Variants in XRN2 observed in about 807,000 individuals in gnomAD.
XRN2 encodes the protein 5'-3' exoribonuclease 2, also known as DHM1-like protein.
In XRN2, 44 loss-of-function variants were observed where a neutral mutation model predicts 138.5. That is an observed-to-expected ratio of 0.32 (90% confidence interval 0.25 to 0.41). The LOEUF is 0.41. Among genes scored for constraint, XRN2 ranks in the 10% least tolerant of loss-of-function variants. XRN2 has a pLI of 1.00. For synonymous variants in XRN2, 354 were observed against 369.4 expected (o/e 0.96, Z 0.48); for missense variants, 937 against 1,169.3 (o/e 0.80, Z 2.90).
chr20:21,357,110 A>G (rs35744170), intron 23 of XRN2, among the ~76,000 whole-genome samples: 1 of 144,180 alleles, frequency 6.9e-6, no homozygotes, highest in Admixed American at 7.2e-5. Context: ...AGCTTTTTAT[A>G]AGAATGTTAT....
chr20:21,366,725 G>A (rs1470446838), intron 26 of XRN2, among the ~76,000 whole-genome samples: 1 of 151,976 alleles, frequency 6.6e-6, no homozygotes. Context: ...AACCTAAACA[G>A]GCATTTTGGA....
chr20:21,368,161 G>A (rs1464688764), intron 26 of XRN2, among the ~76,000 whole-genome samples: 1 of 152,016 alleles, frequency 6.6e-6, no homozygotes, highest in South Asian at 2.1e-4. Context: ...GATCCTTAAG[G>A]ACAAAACTGA....
At chr20:21,365,540 C>G (rs185425879) in intron 25 of XRN2, 33 bp from the exon 26 acceptor site, 1 of 1,613,048 alleles carries the variant, frequency 6.2e-7, no homozygotes, top group Non-Finnish European at 8.5e-7. Flanking sequence ...GTTTTCATCC[C>G]TATTACTAAG....
At chr20:21,366,229 T>A (rs1371667255) in intron 26 of XRN2, among the ~76,000 whole-genome samples, 6 of 134,380 alleles carry the variant, frequency 4.5e-5, no homozygotes, top group Non-Finnish European at 9.3e-5. Flanking sequence ...TATATATATA[T>A]ATTATATATA....
chr20:21,303,375 C>T lies in XRN2; in HGVS notation c.-24C>T, dbSNP rs1452955171. 5 of 1,542,446 alleles carry T rather than the reference C, an allele frequency of 3.2e-6. No homozygotes were observed. The highest frequency in any genetic ancestry group is 3.5e-6 in the Non-Finnish European group (4 of 1,144,236). ...TGGTTACGCTCGTCAGCCGGTCGGC[C>T]GCCGCCTCCAGCCGTGTGCCGCTAT... On this transcript the variant is annotated 5_prime_UTR_variant, in exon 1 of 30. Coordinates refer to ENST00000377191, the MANE Select transcript of XRN2 (RefSeq NM_012255.5).
intron 26 of XRN2, 88 bp from the exon 27 acceptor site, chr20:21,368,375 T>A: frequency 6.6e-7 from 1 of 1,518,482 alleles, no homozygotes; most frequent in Admixed American, 2.0e-5. Flanking sequence ...AAGACGTGGC[T>A]ATGAGCATTT....
In XRN2 at chr20:21,348,211, C is replaced by T. The variant is rs188995174; in HGVS notation, c.1731C>T (p.Gly577=). Residue 577 remains glycine (G), a synonymous_variant, in exon 18 of 30, where the codon GGC becomes GGT. Transcript: ENST00000377191. ...CACCATTTGCTTCAGACTTTGAAGG[C>T]ATTGCAGACATGCCATCTGATTTTG... The part of the protein sequence containing the change: ...HYAPFASDFE[G]IADMPSDFEK... 56 of 1,613,974 alleles carry T rather than the reference C, an allele frequency of 3.5e-5. No individual in the cohort carries two copies. In the East Asian group the frequency reaches 1.2e-3, roughly 35 times the overall value.
At chr20:21,380,318 C>T (rs1406532471) in intron 27 of XRN2, among the ~76,000 whole-genome samples, 1 of 152,152 alleles carries the variant, frequency 6.6e-6, no homozygotes, top group Admixed American at 6.6e-5. Context: ...AAAAGTGGCT[C>T]AAACATTGAT....
At chr20:21,317,579 T>C (rs2037977298) in intron 1 of XRN2, among the ~76,000 whole-genome samples, 1 of 152,178 alleles carries the variant, frequency 6.6e-6, no homozygotes, top group Admixed American at 6.5e-5. Flanking sequence ...CAACGGAGGC[T>C]CAAATCTCTG....
At chr20:21,377,517 C>A (rs1210975785) in intron 27 of XRN2, among the ~76,000 whole-genome samples, 1 of 150,760 alleles carries the variant, frequency 6.6e-6, no homozygotes, top group Non-Finnish European at 1.5e-5. Context: ...CTCAGCCTCC[C>A]AAAGTGTTGG....
Position 21,340,751 on chromosome 20 carries a change from A to G in XRN2, c.1309A>G (p.Ile437Val), listed in dbSNP as rs756025400. ...TCAACCAGCTTTCACTCCTAGTGGAATATTAACTCCTCATGCCTTGGGTTC... is the reference window on the plus strand; with the variant it reads ...TCAACCAGCTTTCACTCCTAGTGGAGTATTAACTCCTCATGCCTTGGGTTC... ...RDQPAFTPSG[I>V]LTPHALGSRN... Residue 437 changes from isoleucine to valine, a missense_variant, in exon 15 of 30, where the codon ATA (isoleucine) becomes GTA (valine). Ile to Val is a conservative substitution (Grantham distance 29). This residue lies in a region of XRN2 where 471 missense variants were observed against 581.2 expected (regional missense o/e 0.81). Transcript: ENST00000377191. 1.1e-5 allele frequency: 17 copies of G among 1,613,846 alleles called. No homozygotes were observed. The highest frequency in any genetic ancestry group is 1.4e-5 in the Non-Finnish European group (16 of 1,179,900).
intron 2 of XRN2, 25 bp downstream of exon 2, chr20:21,326,431 A>G: frequency 6.2e-7 from 1 of 1,613,664 alleles, no homozygotes. Context: ...TTTGTCACTG[A>G]TATAGCAAAT....
At chr20:21,360,155 C>T (rs903067637) in intron 24 of XRN2, among the ~76,000 whole-genome samples, 1 of 152,142 alleles carries the variant, frequency 6.6e-6, no homozygotes, top group Non-Finnish European at 1.5e-5. Context: ...GAGTTTTCCT[C>T]CCAGTCTGTC....
chr20:21,319,342 C>A (rs1033903710), intron 1 of XRN2, among the ~76,000 whole-genome samples: 2 of 152,042 alleles, frequency 1.3e-5, no homozygotes, highest in Non-Finnish European at 2.9e-5. Flanking sequence ...CTTTGACAAG[C>A]TACCTTTTTG....
In XRN2 at chr20:21,340,704, C is replaced by T; in HGVS notation, c.1279-17C>T. On this transcript the variant is annotated splice_polypyrimidine_tract_variant and intron_variant, in intron 14 of 29. Coordinates refer to ENST00000377191, the MANE Select transcript of XRN2 (RefSeq NM_012255.5). ...GTGATTTAATTTTAATTTCTACATT[C>T]ATTCCATTTATGTTAGAGAGATCAA... is the stretch of plus-strand genomic sequence containing the variant. 6.2e-7 allele frequency: 1 copy of T among 1,607,082 alleles called. No individual in the cohort carries two copies. The highest frequency in any genetic ancestry group is 8.5e-7 in the Non-Finnish European group (1 of 1,176,274).
At chr20:21,323,282 A>G (rs1490652834) in intron 1 of XRN2, among the ~76,000 whole-genome samples, 1 of 152,222 alleles carries the variant, frequency 6.6e-6, no homozygotes, top group Non-Finnish European at 1.5e-5. Context: ...CGCCGTAGTT[A>G]TACAGTAGAT....
intron 28 of XRN2, among the ~76,000 whole-genome samples, chr20:21,384,921 T>C (rs1420602174): frequency 6.6e-6 from 1 of 152,260 alleles, no homozygotes; most frequent in East Asian, 1.9e-4. Context: ...TCTAGACATG[T>C]GATAAACTTG....
intron 24 of XRN2, among the ~76,000 whole-genome samples, chr20:21,361,060 ACT>A (rs2038631699): frequency 1.3e-5 from 2 of 152,188 alleles, no homozygotes; most frequent in Admixed American, 6.5e-5. Flanking sequence ...TTATGTTAAC[ACT>A]CTCTAACAGT....
chr20:21,336,154 A>G (rs1306582588), intron 13 of XRN2, among the ~76,000 whole-genome samples: 2 of 152,168 alleles, frequency 1.3e-5, no homozygotes, highest in Non-Finnish European at 2.9e-5. Context: ...ATGATAGAAA[A>G]GGAATACATT....
Sources: gnomAD v4.1 joint callset for allele counts (sites outside exome capture counted in the v4.1 genomes callset) on GRCh38, gnomAD v4.1.1 for gene constraint, gnomAD v4.1.1 regional missense constraint, MANE v1.5 for transcripts, NCBI Gene and HGNC (gene_info 2026-07-23, HGNC 2026-07-21) for gene names.